Variants in CTNNA3 observed in about 807,000 individuals in gnomAD.
The protein encoded by CTNNA3 is catenin alpha 3.
In CTNNA3, 76 loss-of-function variants were observed where a neutral mutation model predicts 95.7. The observed-to-expected ratio is 0.79, with a 90% confidence interval of 0.66 to 0.96. The LOEUF (loss-of-function observed/expected upper bound fraction) is 0.96. Ranked by LOEUF, CTNNA3 falls within the 40% of genes least tolerant of loss-of-function variation. The pLI is 0.00. For synonymous variants in CTNNA3, 431 were observed against 374.4 expected, an observed-to-expected ratio of 1.15 and a Z score of -1.74; for missense variants, 1,191 against 1,089.8, an observed-to-expected ratio of 1.09 and a Z score of -1.31.
At chr10:66,267,142 A>G (rs1005467467) in intron 13 of CTNNA3, among the ~76,000 whole-genome samples, 17 of 152,068 alleles carry the variant, frequency 1.1e-4, no homozygotes, top group African/African-American at 4.1e-4. Flanking sequence ...TGAACACTCT[A>G]TACTAAGCCT....
At chr10:67,624,206 AG>A (rs1303103741) in intron 2 of CTNNA3, among the ~76,000 whole-genome samples, 5 of 152,170 alleles carry the variant, frequency 3.3e-5, no homozygotes, top group African/African-American at 1.2e-4. Flanking sequence ...CCTAATGTCC[AG>A]ACTCGCCAAA....
chr10:67,175,032 C>CT (rs1185261936), intron 7 of CTNNA3, among the ~76,000 whole-genome samples: 10 of 138,434 alleles, frequency 7.2e-5, no homozygotes, highest in African/African-American at 1.1e-4. Flanking sequence ...GTACAGTACA[C>CT]TTGAGGTGAT....
chr10:67,038,855 T>C (rs942512912), intron 7 of CTNNA3, among the ~76,000 whole-genome samples: 2 of 151,834 alleles, frequency 1.3e-5, no homozygotes, highest in Non-Finnish European at 2.9e-5. Flanking sequence ...TATGTCTTTA[T>C]ATATTATGTT....
At chr10:66,685,917 T>C (rs1423134784) in intron 9 of CTNNA3, among the ~76,000 whole-genome samples, 4 of 152,148 alleles carry the variant, frequency 2.6e-5, no homozygotes, top group African/African-American at 9.7e-5. Context: ...GGGGATTAGA[T>C]ATAGAGATGC....
chr10:67,537,156 A>G (rs1475854131), intron 4 of CTNNA3, among the ~76,000 whole-genome samples: 5 of 152,188 alleles, frequency 3.3e-5, no homozygotes, highest in Non-Finnish European at 7.4e-5. Flanking sequence ...GAGGATGGTT[A>G]GAATTTAAAA....
At chr10:67,574,445 C>T (rs1451218560) in intron 3 of CTNNA3, among the ~76,000 whole-genome samples, 7 of 151,962 alleles carry the variant, frequency 4.6e-5, no homozygotes, top group Admixed American at 6.6e-5. Context: ...TAATTAGTGT[C>T]CTGACCACTC....
chr10:66,942,999 A>G (rs1848090699), intron 7 of CTNNA3, among the ~76,000 whole-genome samples: 1 of 152,168 alleles, frequency 6.6e-6, no homozygotes, highest in Non-Finnish European at 1.5e-5. Flanking sequence ...TCCCAGGGCA[A>G]ACAAAATAGC....
intron 9 of CTNNA3, among the ~76,000 whole-genome samples, chr10:66,704,107 T>G (rs987632275): frequency 1.3e-5 from 2 of 152,184 alleles, no homozygotes; most frequent in African/African-American, 2.4e-5. Flanking sequence ...GATCCACTAT[T>G]TAAATACACA....
intron 7 of CTNNA3, among the ~76,000 whole-genome samples, chr10:67,048,474 A>G (rs984747680): frequency 6.6e-6 from 1 of 152,122 alleles, no homozygotes; most frequent in Non-Finnish European, 1.5e-5. Flanking sequence ...AAAAGCAATA[A>G]TATATGCAAA....
At chr10:67,560,553 T>C (rs1302086458) in intron 3 of CTNNA3, among the ~76,000 whole-genome samples, 4 of 152,066 alleles carry the variant, frequency 2.6e-5, no homozygotes, top group African/African-American at 7.2e-5. Context: ...CTAAACACCA[T>C]CGAGGCTAGG....
chr10:67,651,428 T>C (rs937627446), intron 1 of CTNNA3, among the ~76,000 whole-genome samples: 1 of 152,092 alleles, frequency 6.6e-6, no homozygotes, highest in African/African-American at 2.4e-5. Flanking sequence ...TAGTCAAAAA[T>C]TGGTTTGGGA....
intron 3 of CTNNA3, among the ~76,000 whole-genome samples, chr10:67,594,815 T>C (rs758140335): frequency 3.9e-5 from 6 of 152,128 alleles, no homozygotes; most frequent in Non-Finnish European, 4.4e-5. Flanking sequence ...CTGTGATATT[T>C]TGGTGCACCC....
intron 9 of CTNNA3, among the ~76,000 whole-genome samples, chr10:66,754,109 C>T (rs1343155389): frequency 1.3e-5 from 2 of 152,098 alleles, no homozygotes; most frequent in Non-Finnish European, 2.9e-5. Flanking sequence ...CTGGAGGATT[C>T]ATACTTTCTG....
intron 12 of CTNNA3, among the ~76,000 whole-genome samples, chr10:66,372,719 G>T (rs755129171): frequency 6.6e-6 from 1 of 152,128 alleles, no homozygotes; most frequent in Non-Finnish European, 1.5e-5. Context: ...TTACAATCAT[G>T]GCAGAAGGCA....
intron 5 of CTNNA3, among the ~76,000 whole-genome samples, chr10:67,384,686 A>C (rs929478609): frequency 4.6e-5 from 7 of 152,240 alleles, no homozygotes; most frequent in African/African-American, 1.4e-4. Flanking sequence ...ACTCTGAGCC[A>C]GTGAAGAAAG....
At chr10:67,510,907 C>T (rs1589375199) in intron 5 of CTNNA3, among the ~76,000 whole-genome samples, 1 of 152,164 alleles carries the variant, frequency 6.6e-6, no homozygotes, top group Admixed American at 6.5e-5. Flanking sequence ...AGGTCCTTCA[C>T]ATCCCTTGTA....
At chr10:66,343,695 T>C (rs1036566302) in intron 12 of CTNNA3, among the ~76,000 whole-genome samples, 1 of 151,944 alleles carries the variant, frequency 6.6e-6, no homozygotes, top group Non-Finnish European at 1.5e-5. Flanking sequence ...AACAATAATA[T>C]ATAGTTTCAA....
At chr10:66,533,732 C>A (rs182433878) in intron 10 of CTNNA3, among the ~76,000 whole-genome samples, 3 of 152,198 alleles carry the variant, frequency 2.0e-5, no homozygotes, top group East Asian at 1.9e-4. Context: ...GTGATCAAGT[C>A]TATCCCTACA....
chr10:66,957,944 G>A (rs1848908945), intron 7 of CTNNA3, among the ~76,000 whole-genome samples: 1 of 152,056 alleles, frequency 6.6e-6, no homozygotes. Context: ...ACCAGAAGCA[G>A]TGAGAGGGCC....
Sources: allele counts gnomAD v4.1 joint callset (sites outside exome capture counted in the v4.1 genomes callset), GRCh38; gene constraint gnomAD v4.1.1; transcripts MANE v1.5; gene names NCBI Gene and HGNC (gene_info 2026-07-23, HGNC 2026-07-21).